Variants in NPAS3 observed in about 807,000 individuals in gnomAD.
NPAS3 encodes the protein neuronal PAS domain protein 3, also known as neuronal PAS domain-containing protein 3.
NPAS3 carries 14 observed loss-of-function variants against 73.1 expected under a neutral mutation model. That is an observed-to-expected ratio of 0.19 (90% CI 0.13 to 0.30). NPAS3 has a LOEUF of 0.30. NPAS3 is among the 10% of genes least tolerant of loss of function. NPAS3 has a pLI of 1.00. For synonymous variants in NPAS3, 620 were observed against 541.5 expected (o/e 1.14, Z -2.01); for missense variants, 1,096 against 1,250.0 (o/e 0.88, Z 1.86).
intron 7 of NPAS3, among the ~76,000 whole-genome samples, chr14:33,736,243 T>C (rs1198508072): frequency 2.0e-5 from 3 of 152,194 alleles, no homozygotes; most frequent in African/African-American, 4.8e-5. Context: ...GCCAGTATCA[T>C]TAGGCCTTCA....
At chr14:32,975,894 TGTGA>T (rs1267800755) in intron 1 of NPAS3, among the ~76,000 whole-genome samples, 418 of 139,634 alleles carry the variant, frequency 3.0e-3, no homozygotes, top group African/African-American at 0.01. Flanking sequence ...TGTGTGTGTG[TGTGA>T]GAGAGAGAGA....
chr14:33,449,835 A>G (rs574323737), intron 4 of NPAS3, among the ~76,000 whole-genome samples: 1 of 152,300 alleles, frequency 6.6e-6, no homozygotes, highest in Non-Finnish European at 1.5e-5. Context: ...CCATATTTCA[A>G]TAGCACTTAA....
intron 3 of NPAS3, among the ~76,000 whole-genome samples, chr14:33,220,848 C>T (rs778126989): frequency 7.9e-5 from 12 of 152,204 alleles, no homozygotes; most frequent in South Asian, 2.1e-4. Context: ...TCTGGTACAA[C>T]GGAGCATTCA....
At chr14:33,681,222 A>G (rs1483746105) in intron 6 of NPAS3, among the ~76,000 whole-genome samples, 1 of 152,216 alleles carries the variant, frequency 6.6e-6, no homozygotes, top group Non-Finnish European at 1.5e-5. Context: ...TTTTGTATAA[A>G]AAAACGGCTT....
At chr14:33,225,688 A>G (rs563301953) in intron 3 of NPAS3, among the ~76,000 whole-genome samples, 1 of 152,172 alleles carries the variant, frequency 6.6e-6, no homozygotes, top group South Asian at 2.1e-4. Flanking sequence ...TCAACTATTT[A>G]AAAAATTAAA....
chr14:33,755,618 CATT>C (rs1039221514), intron 7 of NPAS3, among the ~76,000 whole-genome samples: 1 of 152,096 alleles, frequency 6.6e-6, no homozygotes, highest in African/African-American at 2.4e-5. Flanking sequence ...GACTCCTTGT[CATT>C]GTTGCTCACT....
chr14:33,708,440 G>A (rs1044869265), intron 6 of NPAS3, among the ~76,000 whole-genome samples: 1 of 152,120 alleles, frequency 6.6e-6, no homozygotes. Context: ...TGGTAACCAT[G>A]GGGCAAGTGT....
At chr14:33,307,831 A>G (rs2042819838) in intron 3 of NPAS3, among the ~76,000 whole-genome samples, 1 of 152,090 alleles carries the variant, frequency 6.6e-6, no homozygotes, top group Admixed American at 6.6e-5. Flanking sequence ...TTACTCTCAG[A>G]CTGAGACGCT....
chr14:33,284,344 A>T (rs1386220731), intron 3 of NPAS3, among the ~76,000 whole-genome samples: 1 of 151,552 alleles, frequency 6.6e-6, no homozygotes, highest in African/African-American at 2.4e-5. Flanking sequence ...TTTTTTAAAG[A>T]TTCTTAACTC....
intron 4 of NPAS3, among the ~76,000 whole-genome samples, chr14:33,489,599 T>C (rs1343524782): frequency 6.6e-6 from 1 of 152,212 alleles, no homozygotes; most frequent in African/African-American, 2.4e-5. Flanking sequence ...CAAATATAAT[T>C]GTAATTAAAG....
intron 2 of NPAS3, among the ~76,000 whole-genome samples, chr14:33,087,186 A>AT (rs1389380361): frequency 0.035 from 4,305 of 121,272 alleles, 180 homozygotes; most frequent in East Asian, 0.17. Flanking sequence ...AGTATACAAT[A>AT]TAATATTGTA....
At chr14:33,003,670 T>C (rs947427328) in intron 1 of NPAS3, among the ~76,000 whole-genome samples, 2 of 152,182 alleles carry the variant, frequency 1.3e-5, no homozygotes, top group Non-Finnish European at 2.9e-5. Flanking sequence ...ATTTTCACAG[T>C]GGAAGCTTTG....
At chr14:33,755,106 G>T (rs2062075811) in intron 7 of NPAS3, among the ~76,000 whole-genome samples, 1 of 152,174 alleles carries the variant, frequency 6.6e-6, no homozygotes, top group Non-Finnish European at 1.5e-5. Context: ...AACTCATTTA[G>T]CTTGCCTAAG....
At chr14:33,684,382 G>T (rs948476274) in intron 6 of NPAS3, among the ~76,000 whole-genome samples, 2 of 151,882 alleles carry the variant, frequency 1.3e-5, no homozygotes, top group Non-Finnish European at 2.9e-5. Flanking sequence ...CACAATCTCG[G>T]CTCACTACAA....
chr14:33,005,430 C>G (rs1445335868), intron 1 of NPAS3, among the ~76,000 whole-genome samples: 1 of 152,124 alleles, frequency 6.6e-6, no homozygotes, highest in Non-Finnish European at 1.5e-5. Flanking sequence ...GTTGGGAGCA[C>G]AAGTCCCATC....
intron 4 of NPAS3, among the ~76,000 whole-genome samples, chr14:33,386,849 C>T (rs927135074): frequency 6.6e-6 from 1 of 152,124 alleles, no homozygotes; most frequent in Non-Finnish European, 1.5e-5. Context: ...CTGTTCATAA[C>T]TATGTATTCC....
At chr14:33,542,549 C>T (rs1173537365) in intron 4 of NPAS3, among the ~76,000 whole-genome samples, 1 of 151,964 alleles carries the variant, frequency 6.6e-6, no homozygotes, top group Non-Finnish European at 1.5e-5. Context: ...TTTTTCAGTT[C>T]CCTTTTGAGC....
intron 1 of NPAS3, among the ~76,000 whole-genome samples, chr14:32,948,974 A>G (rs1315478052): frequency 6.6e-6 from 1 of 152,074 alleles, no homozygotes; most frequent in Non-Finnish European, 1.5e-5. Context: ...ATTCTTCGCT[A>G]TGGTCAGCGT....
intron 2 of NPAS3, among the ~76,000 whole-genome samples, chr14:33,080,778 G>T (rs1206953620): frequency 1.3e-5 from 2 of 152,188 alleles, no homozygotes; most frequent in Non-Finnish European, 2.9e-5. Flanking sequence ...GCGTGTAAGA[G>T]CTGAAAGAAG....
Sources: allele counts gnomAD v4.1 joint callset (sites outside exome capture counted in the v4.1 genomes callset), GRCh38; gene constraint gnomAD v4.1.1; transcripts MANE v1.5; gene names NCBI Gene and HGNC (gene_info 2026-07-23, HGNC 2026-07-21).